The following STAB2 variants were observed in gnomAD, a reference collection of about 807,000 sequenced individuals.
STAB2 encodes stabilin 2.
A neutral mutation model predicts 338.1 loss-of-function variants in STAB2; 288 were observed. The ratio of observed to expected loss-of-function variants is 0.85; its 90% confidence interval spans 0.77 to 0.94. STAB2 has a LOEUF of 0.94. Among genes scored for constraint, STAB2 ranks in the 40% least tolerant of loss-of-function variants. The pLI is 0.00. For missense variants in STAB2, 3,141 were observed against 3,210.1 expected, an observed-to-expected ratio of 0.98 and a Z score of 0.52; for synonymous variants, 1,202 against 1,193.3, an observed-to-expected ratio of 1.01 and a Z score of -0.15.
At chr12:103,629,720 CT>C (rs1957431509) in intron 5 of STAB2, among the ~76,000 whole-genome samples, 1 of 152,212 alleles carries the variant, frequency 6.6e-6, no homozygotes, top group African/African-American at 2.4e-5. Flanking sequence ...CCCACTTTAT[CT>C]TTTCCTGGCC....
chr12:103,739,271 C>T, intron 53 of STAB2, 141 bp from the exon 54 acceptor site: 1 of 712,716 alleles, frequency 1.4e-6, no homozygotes, highest in Non-Finnish European at 2.1e-6. Flanking sequence ...GCCACCATGC[C>T]TGGCCTGTTT....
At chr12:103,721,337 C>A (rs534102000) in intron 44 of STAB2, among the ~76,000 whole-genome samples, 43 of 152,284 alleles carry the variant, frequency 2.8e-4, no homozygotes, top group Non-Finnish European at 5.4e-4. Context: ...AAGAGCAAGC[C>A]AGGGGTCCTG....
intron 1 of STAB2, among the ~76,000 whole-genome samples, chr12:103,588,669 G>T (rs566416174): frequency 3.3e-5 from 5 of 152,236 alleles, no homozygotes; most frequent in Non-Finnish European, 2.9e-5. Flanking sequence ...CAATTTGAAG[G>T]TCAAGATGTT....
At chr12:103,686,858 G>A (rs553306888) in intron 27 of STAB2, among the ~76,000 whole-genome samples, 1 of 152,140 alleles carries the variant, frequency 6.6e-6, no homozygotes, top group Admixed American at 6.6e-5. Context: ...CTCCAGGTCT[G>A]CCATGTTCCT....
chr12:103,693,397 A>C (rs1306882884), intron 31 of STAB2, among the ~76,000 whole-genome samples: 2 of 152,128 alleles, frequency 1.3e-5, no homozygotes, highest in Non-Finnish European at 2.9e-5. Flanking sequence ...TGTTCAAGCC[A>C]CTGCACTCCA....
chr12:103,681,833 A>T (rs1005018329), intron 25 of STAB2, among the ~76,000 whole-genome samples: 12 of 151,618 alleles, frequency 7.9e-5, no homozygotes, highest in Admixed American at 7.2e-4. Context: ...CATTGGCAGG[A>T]TGGTCTCGAT....
At chr12:103,748,584 C>CCACACACA (rs34364589) in intron 58 of STAB2, among the ~76,000 whole-genome samples, 2 of 141,856 alleles carry the variant, frequency 1.4e-5, no homozygotes, top group Non-Finnish European at 3.1e-5. Context: ...TAACTCTACA[C>CCACACACA]CACACACACA....
chr12:103,635,757 A>AGCT (rs1174176456), intron 6 of STAB2, among the ~76,000 whole-genome samples: 1 of 152,216 alleles, frequency 6.6e-6, no homozygotes, highest in Non-Finnish European at 1.5e-5. Flanking sequence ...GTGGCTTCTT[A>AGCT]GCTGCTGCTG....
At position 103,744,729 on chromosome 12, in the gene STAB2, G is replaced by A. The variant is rs113007482; in HGVS notation, c.6032-444G>A. Among the ~76,000 whole-genome samples the A allele has an allele frequency of 7.6e-4, 115 of 151,850 alleles. 1 individual carries two copies. Among genetic ancestry groups the A allele is most frequent in the African/African-American group, 2.6e-3 (107 of 41,396 alleles). The stretch of plus-strand genomic sequence containing the variant: ...CTCAAGCAATCCTCCCACCTCAGCC[G>A]CCCAAAGTGCCGGGATTACAGACAT... On this transcript the variant is annotated intron_variant, in intron 56 of 68. Transcript: ENST00000388887.
rs776773300 is a variant in STAB2 at position 103,753,331 on chromosome 12, A to ACC, written c.6693_6694dup (p.Gln2232ProfsTer42). On this transcript the variant is annotated frameshift_variant, in exon 61 of 69. Transcript: ENST00000388887. LOFTEE classifies it high-confidence loss of function. Reference sequence around the variant, plus strand: ...GAAGCTGCGACCATGGCAACCTACAACCAGCTCTCCTATGCCCAGAAGGTG... The same window carrying ACC: ...GAAGCTGCGACCATGGCAACCTACAACCCCAGCTCTCCTATGCCCAGAAGGTG... The ACC allele has an allele frequency of 6.2e-7, 1 of 1,614,222 alleles. No homozygotes were observed. Among genetic ancestry groups the ACC allele is most frequent in the African/African-American group, 1.3e-5 (1 of 75,058 alleles).
In STAB2 at chr12:103,663,097, G is replaced by A. The variant is rs1048099588; in HGVS notation, c.2022+99G>A. 6 of 1,472,454 alleles carry A rather than the reference G, an allele frequency of 4.1e-6. No homozygotes were observed. The African/African-American group carries it at 7.1e-5, about 17-fold the overall frequency. 91.2% of individuals were successfully genotyped at this position (1,472,454 alleles called of 1,614,324 possible). A position where few individuals can be genotyped will look rare whatever the true frequency, so the allele number is the denominator to read the frequency against. Reference sequence around the variant, plus strand: ...TCTGAGAAAGGTGTCAAAGAAAGTTGGACTTCCAGAACCTTGTCCCCAAAG... The same window carrying A: ...TCTGAGAAAGGTGTCAAAGAAAGTTAGACTTCCAGAACCTTGTCCCCAAAG... On this transcript the variant is annotated intron_variant, in intron 18 of 68. Transcript: ENST00000388887.
At chr12:103,697,316 A>C (rs1275714321) in intron 33 of STAB2, among the ~76,000 whole-genome samples, 1 of 152,234 alleles carries the variant, frequency 6.6e-6, no homozygotes, top group Non-Finnish European at 1.5e-5. Flanking sequence ...TGTAACAGGC[A>C]TGTTGCACTC....
At position 103,730,171 on chromosome 12, in the gene STAB2, C is replaced by T; in HGVS notation, c.5138C>T (p.Thr1713Ile). The change falls in exon 49 of 69, where the codon ACT becomes ATT. Residue 1713 changes from threonine to isoleucine, a missense_variant. By Grantham distance (89) the Thr-to-Ile change is moderately conservative. Transcript: ENST00000388887. ...ATCATATCCAGTGATATCATCAGTA[C>T]TAATGGGATTGTTCATATCATAGAC... ...AKIISSDIIS[T>I]NGIVHIIDKL... 1.2e-6 allele frequency: 2 copies of T among 1,613,384 alleles called. No individual in the cohort carries two copies. The highest frequency in any genetic ancestry group is 1.7e-6 in the Non-Finnish European group (2 of 1,179,656).
intron 31 of STAB2, among the ~76,000 whole-genome samples, chr12:103,693,618 T>C (rs1878145713): frequency 6.6e-6 from 1 of 151,958 alleles, no homozygotes; most frequent in Non-Finnish European, 1.5e-5. Context: ...AGGAAAAAAG[T>C]GGAAAAGAAT....
At chr12:103,694,442 G>A (rs755462587) in intron 31 of STAB2, among the ~76,000 whole-genome samples, 5 of 152,024 alleles carry the variant, frequency 3.3e-5, no homozygotes, top group Admixed American at 6.5e-5. Context: ...TTGGTACAAC[G>A]TTTCTGGAAA....
At chr12:103,637,276 T>A in intron 7 of STAB2, 40 bp downstream of exon 7, 1 of 1,583,994 alleles carries the variant, frequency 6.3e-7, no homozygotes, top group East Asian at 2.3e-5. Flanking sequence ...TTCATTGAGA[T>A]GTTTAGGTTA....
At chr12:103,744,461 CTTT>C (rs3035275) in intron 56 of STAB2, among the ~76,000 whole-genome samples, 49,651 of 121,924 alleles carry the variant, frequency 0.41, 10,476 homozygotes, top group African/African-American at 0.54. Context: ...CACAATTTTA[CTTT>C]TTTTTTTTTT....
chr12:103,645,696 G>A (rs1224878725), intron 9 of STAB2, among the ~76,000 whole-genome samples: 1 of 152,182 alleles, frequency 6.6e-6, no homozygotes, highest in Non-Finnish European at 1.5e-5. Context: ...TTATTTGATT[G>A]TATTAAATTG....
intron 65 of STAB2, among the ~76,000 whole-genome samples, chr12:103,760,348 C>CTCCT (rs1566085142): frequency 5.9e-5 from 9 of 152,180 alleles, no homozygotes; most frequent in African/African-American, 2.2e-4. Flanking sequence ...GCAACCTCCC[C>CTCCT]CTCCTGGATT....
Sources: gnomAD v4.1 joint callset for allele counts (sites outside exome capture counted in the v4.1 genomes callset) on GRCh38, gnomAD v4.1.1 for gene constraint, MANE v1.5 for transcripts, NCBI Gene and HGNC (gene_info 2026-07-23, HGNC 2026-07-21) for gene names.